Variants in KCNMA1 observed in about 807,000 individuals in gnomAD.
The protein encoded by KCNMA1 is Calcium-activated potassium channel subunit alpha-1.
In KCNMA1, 29 loss-of-function variants were observed where a neutral mutation model predicts 140.0. The ratio of observed to expected loss-of-function variants is 0.21; its 90% CI spans 0.15 to 0.28. The LOEUF is 0.28. Among genes scored for constraint, KCNMA1 ranks in the 10% least tolerant of loss-of-function variants. The pLI, the probability that KCNMA1 is intolerant of heterozygous loss-of-function variation, is 1.00. For synonymous variants in KCNMA1, 612 were observed against 611.9 expected (o/e 1.00, Z 0.00); for missense variants, 880 against 1,602.2 (o/e 0.55, Z 7.70).
intron 1 of KCNMA1, among the ~76,000 whole-genome samples, chr10:77,404,953 T>C (rs1276866172): frequency 6.6e-6 from 1 of 152,236 alleles, no homozygotes; most frequent in Non-Finnish European, 1.5e-5. Context: ...AATAGACTAC[T>C]GATGTCATCA....
At chr10:77,575,840 A>G (rs1047741526) in intron 1 of KCNMA1, among the ~76,000 whole-genome samples, 3 of 152,234 alleles carry the variant, frequency 2.0e-5, no homozygotes, top group Admixed American at 6.5e-5. Context: ...CTGGAAGGCC[A>G]GTTAAAATAG....
rs573972297 is a variant in KCNMA1, at chr10:77,405,884, C to T, written c.379-1861G>A. Among the ~76,000 whole-genome samples the T allele has an allele frequency of 3.9e-5, 6 of 152,248 alleles. No individual in the cohort carries two copies. The South Asian group carries it at 1.2e-3, about 32-fold the overall frequency. On this transcript the variant is annotated intron_variant, in intron 1 of 27. Coordinates refer to ENST00000286628, the MANE Select transcript of KCNMA1 (RefSeq NM_001161352.2). ...TGGGGAGGGTGCACTGGTGAGTCATCCTCTTGGGGACTTGGCCACGGCAGG... is the reference window on the plus strand; with the variant it reads ...TGGGGAGGGTGCACTGGTGAGTCATTCTCTTGGGGACTTGGCCACGGCAGG...
At chr10:76,939,328 G>C (rs1276526998) in intron 23 of KCNMA1, 1 of 152,126 alleles carries the variant, frequency 6.6e-6, no homozygotes, top group African/African-American at 2.4e-5. Flanking sequence ...CACTGTGTTA[G>C]CCAGGATGGT....
intron 26 of KCNMA1, among the ~76,000 whole-genome samples, chr10:76,891,119 C>T (rs1170079609): frequency 1.3e-5 from 2 of 152,198 alleles, no homozygotes; most frequent in South Asian, 2.1e-4. Flanking sequence ...GAAATATTTC[C>T]CAACCTTGGC....
chr10:77,299,196 C>T (rs190218737), intron 2 of KCNMA1, among the ~76,000 whole-genome samples: 1 of 152,274 alleles, frequency 6.6e-6, no homozygotes, highest in Admixed American at 6.5e-5. Flanking sequence ...CCCTGCAACG[C>T]CCTCCCTGAC....
At chr10:76,941,908 T>C (rs2089400420) in intron 23 of KCNMA1, among the ~76,000 whole-genome samples, 1 of 152,174 alleles carries the variant, frequency 6.6e-6, no homozygotes, top group Admixed American at 6.5e-5. Flanking sequence ...CGCAGTGTCC[T>C]CACATGACAG....
intron 3 of KCNMA1, among the ~76,000 whole-genome samples, chr10:77,187,191 T>C (rs755377658): frequency 1.3e-4 from 20 of 151,970 alleles, no homozygotes; most frequent in Non-Finnish European, 2.6e-4. Context: ...TGGTAGAAAA[T>C]GGAATAGTTG....
intron 1 of KCNMA1, among the ~76,000 whole-genome samples, chr10:77,415,534 T>A (rs1193270791): frequency 6.6e-6 from 1 of 152,192 alleles, no homozygotes; most frequent in Non-Finnish European, 1.5e-5. Flanking sequence ...AGGCAAAAAT[T>A]ACATTTGTTT....
At position 76,944,814 on chromosome 10, in the gene KCNMA1, T is replaced by G. The variant is rs1234909834; in HGVS notation, c.2861A>C (p.Gln954Pro). The stretch of plus-strand genomic sequence containing the variant: ...CAAGACTCCGATGCTGTCATCAAAC[T>G]GCATAGATTTGATGTTGAGTGACGC... ...ILASLNIKSM[Q>P]FDDSIGVLQA... The change falls in exon 23 of 28, where the codon CAG becomes CCG. Residue 954 changes from glutamine (Q) to proline (P), a missense_variant. Around this residue, in one of 13 missense-constraint regions of KCNMA1, gnomAD observed 5 missense variants for 27.7 expected, o/e 0.18. Coordinates refer to ENST00000286628, the MANE Select transcript of KCNMA1 (RefSeq NM_001161352.2). 1 of 1,614,106 alleles carries G rather than the reference T, an allele frequency of 6.2e-7. No individual in the cohort carries two copies. Among genetic ancestry groups the G allele is most frequent in the Non-Finnish European group, 8.5e-7 (1 of 1,179,990 alleles).
intron 1 of KCNMA1, among the ~76,000 whole-genome samples, chr10:77,450,108 T>C (rs1266231886): frequency 1.3e-5 from 2 of 152,202 alleles, no homozygotes; most frequent in African/African-American, 2.4e-5. Flanking sequence ...TGAGACACAG[T>C]GCAGTGGCAC....
chr10:77,613,767 G>A (rs964613966), intron 1 of KCNMA1, among the ~76,000 whole-genome samples: 1 of 152,246 alleles, frequency 6.6e-6, no homozygotes, highest in South Asian at 2.1e-4. Context: ...TCTCACGATA[G>A]CTGGTGGCTG....
chr10:77,610,692 G>C (rs1413590453), intron 1 of KCNMA1, among the ~76,000 whole-genome samples: 3 of 152,240 alleles, frequency 2.0e-5, no homozygotes, highest in Admixed American at 6.5e-5. Flanking sequence ...CACATCCAGA[G>C]AGCCCACACA....
intron 20 of KCNMA1, 133 bp from the exon 21 acceptor site, chr10:76,954,057 CT>C: frequency 2.0e-6 from 2 of 1,008,536 alleles, no homozygotes; most frequent in Non-Finnish European, 3.0e-6. Context: ...CATTCTTCTG[CT>C]TACAGAATCC....
chr10:77,625,404 T>C (rs2092348818), intron 1 of KCNMA1, among the ~76,000 whole-genome samples: 1 of 152,140 alleles, frequency 6.6e-6, no homozygotes, highest in African/African-American at 2.4e-5. Context: ...ATCTCAACCA[T>C]TTTTAAGTGT....
At chr10:77,291,567 A>G (rs924636412) in intron 2 of KCNMA1, among the ~76,000 whole-genome samples, 5 of 152,214 alleles carry the variant, frequency 3.3e-5, no homozygotes, top group African/African-American at 7.2e-5. Flanking sequence ...AAATGTCCCA[A>G]TAAGAAGGAG....
intron 1 of KCNMA1, among the ~76,000 whole-genome samples, chr10:77,597,928 A>AT (rs1440602574): frequency 6.6e-6 from 1 of 152,194 alleles, no homozygotes; most frequent in African/African-American, 2.4e-5. Context: ...CATAGCACTT[A>AT]TCATTGGCTG....
intron 15 of KCNMA1, among the ~76,000 whole-genome samples, chr10:77,037,020 A>AAT (rs547789962): frequency 1.3e-5 from 2 of 152,246 alleles, no homozygotes; most frequent in African/African-American, 2.4e-5. Context: ...TCAGAAGTGG[A>AAT]ATATATATAT....
intron 13 of KCNMA1, chr10:77,078,142 C>T (rs1565947682): frequency 6.6e-6 from 1 of 152,234 alleles, no homozygotes; most frequent in African/African-American, 2.4e-5. Context: ...TTTTTCTCTG[C>T]ATCACCTGAC....
At chr10:76,884,854 A>G (rs2036147431), downstream of KCNMA1, 2 of 1,317,280 alleles carry the variant, frequency 1.5e-6, no homozygotes, top group East Asian at 5.5e-5. Context: ...ATATAAATAA[A>G]AATAAACAAA....
Sources: gnomAD v4.1 joint callset for allele counts (sites outside exome capture counted in the v4.1 genomes callset) on GRCh38, gnomAD v4.1.1 for gene constraint, gnomAD v4.1.1 regional missense constraint, MANE v1.5 for transcripts, NCBI Gene and HGNC (gene_info 2026-07-23, HGNC 2026-07-21) for gene names.